Variants in ZFHX3 observed in about 807,000 individuals in gnomAD.
ZFHX3 encodes zinc finger homeobox 3.
Under a neutral mutation model 279.1 loss-of-function variants are expected in ZFHX3, and 42 were observed. That is an observed-to-expected ratio of 0.15 (90% CI 0.12 to 0.19). ZFHX3 has a LOEUF of 0.19. Ranked by LOEUF, ZFHX3 falls within the 10% of genes least tolerant of loss-of-function variation. The pLI is 1.00. For missense variants in ZFHX3, 4,981 were observed against 4,754.0 expected (o/e 1.05, Z -1.40); for synonymous variants, 2,293 against 1,957.8 (o/e 1.17, Z -4.52).
chr16:73,139,048 T>G (rs563185821), intron 6 of ZFHX3, among the ~76,000 whole-genome samples: 1 of 152,184 alleles, frequency 6.6e-6, no homozygotes, highest in Admixed American at 6.5e-5. Context: ...AACATTTGGT[T>G]GAAGGGGACA....
chr16:73,387,532 G>A (rs1045569649), intron 3 of ZFHX3, among the ~76,000 whole-genome samples: 1 of 151,712 alleles, frequency 6.6e-6, no homozygotes, highest in Non-Finnish European at 1.5e-5. Context: ...TTGTTTTAAA[G>A]GTTATTTTCA....
chr16:72,873,772 T>C (rs913382419), intron 4 of ZFHX3, among the ~76,000 whole-genome samples: 2 of 152,214 alleles, frequency 1.3e-5, no homozygotes, highest in African/African-American at 4.8e-5. Context: ...GTGACAATTA[T>C]ATGTGTTTTT....
In ZFHX3 at chr16:73,777,598, T is replaced by C. The variant is rs143423746; in HGVS notation, c.-1607-97358A>G. Among the ~76,000 whole-genome samples the C allele has an allele frequency of 2.6e-3, 392 of 150,678 alleles. 1 individual carries two copies. Among genetic ancestry groups the C allele is most frequent in the Non-Finnish European group, 3.6e-3 (242 of 67,678 alleles). ...ATTTATTTCATTTCTACTACATACA[T>C]GACACTGTCCCCAAATCTTTTTTTC... On this transcript the variant is annotated intron_variant, in intron 1 of 17. Coordinates refer to the ZFHX3 transcript ENST00000641206.
intron 5 of ZFHX3, among the ~76,000 whole-genome samples, chr16:73,152,589 T>C (rs1444365465): frequency 6.7e-6 from 1 of 150,090 alleles, no homozygotes; most frequent in Admixed American, 6.7e-5. Context: ...CCAAACTTTG[T>C]ATACAAACTA....
chr16:73,457,790 A>G (rs1284052345), intron 2 of ZFHX3, among the ~76,000 whole-genome samples: 2 of 152,154 alleles, frequency 1.3e-5, no homozygotes, highest in African/African-American at 2.4e-5. Flanking sequence ...ATAAAATAAA[A>G]TAAAATAAAA....
chr16:72,881,134 C>T (rs911723913), intron 4 of ZFHX3, among the ~76,000 whole-genome samples: 6 of 152,184 alleles, frequency 3.9e-5, no homozygotes, highest in Non-Finnish European at 7.4e-5. Flanking sequence ...TGAGCATGGT[C>T]CAACAGAACC....
At chr16:73,235,358 A>T (rs2012910200) in intron 5 of ZFHX3, among the ~76,000 whole-genome samples, 1 of 152,130 alleles carries the variant, frequency 6.6e-6, no homozygotes, top group Non-Finnish European at 1.5e-5. Context: ...CACTTTGCCT[A>T]CATGGTGAGG....
intron 3 of ZFHX3, among the ~76,000 whole-genome samples, chr16:73,319,471 G>A (rs964785220): frequency 1.3e-5 from 2 of 152,090 alleles, no homozygotes; most frequent in Non-Finnish European, 2.9e-5. Context: ...AAGGGCTTCC[G>A]AGCGTTGTTG....
At chr16:73,315,979 T>A (rs1031431807) in intron 4 of ZFHX3, among the ~76,000 whole-genome samples, 2 of 152,204 alleles carry the variant, frequency 1.3e-5, no homozygotes, top group African/African-American at 4.8e-5. Flanking sequence ...TCGTCCTGCC[T>A]GGACCAGCCC....
chr16:73,638,811 A>ACC (rs1347580721), intron 2 of ZFHX3, among the ~76,000 whole-genome samples: 7 of 152,192 alleles, frequency 4.6e-5, no homozygotes, highest in African/African-American at 1.7e-4. Context: ...GGAATCAAGA[A>ACC]CCATGTTTCT....
At position 72,787,061 on chromosome 16, in the gene ZFHX3, T is replaced by TTTGG. The variant is rs1277918629; in HGVS notation, c.*99_*102dup. The TTTGG allele has an allele frequency of 8.3e-7, 1 of 1,204,922 alleles. No individual in the cohort carries two copies. The highest frequency in any genetic ancestry group is 1.1e-6 in the Non-Finnish European group (1 of 937,346). The allele number at this position is 1,204,922 out of a possible 1,614,324, so 74.6% of individuals were successfully genotyped here. ...TTTCTTTTTTTTTTTTTTTTTGTTT[T>TTTGG]TTGGTTAGAAGCTTTGGAATTGCAG... On this transcript the variant is annotated 3_prime_UTR_variant, in exon 10 of 10. Coordinates refer to ENST00000268489, the MANE Select transcript of ZFHX3 (RefSeq NM_006885.4).
chr16:72,901,003 C>T (rs1453511102), intron 3 of ZFHX3, among the ~76,000 whole-genome samples: 1 of 152,196 alleles, frequency 6.6e-6, no homozygotes, highest in South Asian at 2.1e-4. Context: ...TGCCTGCACA[C>T]AAGAATTCAC....
chr16:73,286,172 C>T (rs2014591694), intron 4 of ZFHX3, among the ~76,000 whole-genome samples: 1 of 152,054 alleles, frequency 6.6e-6, no homozygotes, highest in African/African-American at 2.4e-5. Flanking sequence ...CTGTCTCTCT[C>T]TCTCACACAC....
At chr16:73,678,554 C>A (rs1005159773) in intron 2 of ZFHX3, among the ~76,000 whole-genome samples, 7 of 152,104 alleles carry the variant, frequency 4.6e-5, no homozygotes, top group Admixed American at 3.3e-4. Context: ...CTTCTAAAAT[C>A]TGGTATTGCA....
intron 3 of ZFHX3, among the ~76,000 whole-genome samples, chr16:72,943,231 T>A (rs149930832): frequency 6.6e-6 from 1 of 152,180 alleles, no homozygotes; most frequent in Non-Finnish European, 1.5e-5. Context: ...AAAAAATATA[T>A]TCCTGAAAAG....
At chr16:72,792,304 C>T (rs1429304455) in intron 9 of ZFHX3, among the ~76,000 whole-genome samples, 2 of 152,156 alleles carry the variant, frequency 1.3e-5, no homozygotes, top group African/African-American at 2.4e-5. Flanking sequence ...CTGAAATGTG[C>T]ATCAGTATTT....
intron 2 of ZFHX3, among the ~76,000 whole-genome samples, chr16:73,622,267 AG>A (rs1471109445): frequency 6.6e-6 from 1 of 152,158 alleles, no homozygotes; most frequent in Non-Finnish European, 1.5e-5. Flanking sequence ...TCTGTAAGAA[AG>A]GAATATGGGG....
At chr16:73,150,644 TATAATGTAA>T (rs1253943046) in intron 5 of ZFHX3, among the ~76,000 whole-genome samples, 35 of 152,284 alleles carry the variant, frequency 2.3e-4, no homozygotes, top group Non-Finnish European at 4.6e-4. Flanking sequence ...TCTTCATCTA[TATAATGTAA>T]ACTAAAAGAG....
chr16:73,138,387 C>T lies in ZFHX3; in HGVS notation c.-1024+5365G>A, dbSNP rs79281465. 3.2e-4 allele frequency among the ~76,000 whole-genome samples: 48 copies of T among 152,206 alleles called. No homozygotes were observed. The East Asian group carries it at 8.9e-3, about 28-fold the overall frequency. On this transcript the variant is annotated intron_variant, in intron 6 of 17. Transcript: ENST00000641206. Reference sequence around the variant, plus strand: ...CATTCAAGAGGAGATGGAATCTACCCGCTGACGGTCAGAGGGTCAGGGGAT... The same window carrying T: ...CATTCAAGAGGAGATGGAATCTACCTGCTGACGGTCAGAGGGTCAGGGGAT...
Sources: allele counts gnomAD v4.1 joint callset (sites outside exome capture counted in the v4.1 genomes callset), GRCh38; gene constraint gnomAD v4.1.1; transcripts MANE v1.5; gene names NCBI Gene and HGNC (gene_info 2026-07-23, HGNC 2026-07-21).